Variants in CLDN10 observed in about 807,000 individuals in gnomAD.
CLDN10 encodes the protein claudin-10.
In CLDN10, 15 loss-of-function variants were observed where a neutral mutation model predicts 22.9. The ratio of observed to expected loss-of-function variants is 0.65; its 90% CI spans 0.44 to 1.01. CLDN10 has a LOEUF of 1.01. CLDN10 is among the 50% of genes least tolerant of loss of function. The pLI, the probability that CLDN10 is intolerant of heterozygous loss-of-function variation, is 0.00. For synonymous variants in CLDN10, 114 were observed against 111.4 expected (o/e 1.02, Z -0.15); for missense variants, 247 against 287.8 (o/e 0.86, Z 1.03).
At chr13:95,564,783 A>C (rs888245958) in intron 3 of CLDN10, among the ~76,000 whole-genome samples, 1 of 152,206 alleles carries the variant, frequency 6.6e-6, no homozygotes, top group Non-Finnish European at 1.5e-5. Context: ...GGCTTCTAGC[A>C]TGGACTTGGA....
At chr13:95,463,286 ATATATATAT>A (rs1245330619) in intron 1 of CLDN10, among the ~76,000 whole-genome samples, 523 of 22,318 alleles carry the variant, frequency 0.023, 23 homozygotes, top group South Asian at 0.061. Flanking sequence ...CAAATGCTTA[ATATATATAT>A]ATATATATAT....
chr13:95,555,211 C>T (rs1039064375), intron 1 of CLDN10, among the ~76,000 whole-genome samples: 7 of 152,106 alleles, frequency 4.6e-5, no homozygotes, highest in African/African-American at 9.7e-5. Flanking sequence ...CCACCATGCC[C>T]GGCTAATTTT....
At chr13:95,442,656 G>A (rs747373906) in intron 1 of CLDN10, among the ~76,000 whole-genome samples, 2 of 152,284 alleles carry the variant, frequency 1.3e-5, no homozygotes, top group South Asian at 2.1e-4. Flanking sequence ...TTGGTATGCC[G>A]GGCAGCCAAA....
intron 1 of CLDN10, among the ~76,000 whole-genome samples, chr13:95,535,438 T>G (rs2043389950): frequency 6.8e-6 from 1 of 147,978 alleles, no homozygotes; most frequent in South Asian, 2.2e-4. Context: ...CAAGATTGAG[T>G]GATGAGGAGT....
At chr13:95,447,088 T>C (rs1466729325) in intron 1 of CLDN10, among the ~76,000 whole-genome samples, 1 of 152,156 alleles carries the variant, frequency 6.6e-6, no homozygotes, top group Non-Finnish European at 1.5e-5. Context: ...GCACCAAATA[T>C]AGTCCATGCA....
intron 1 of CLDN10, among the ~76,000 whole-genome samples, chr13:95,435,655 G>A (rs1374784641): frequency 1.3e-5 from 2 of 152,092 alleles, no homozygotes; most frequent in South Asian, 2.1e-4. Flanking sequence ...TAGAAACAGA[G>A]GAAAAGAAGA....
chr13:95,547,941 C>T (rs1425237464), upstream of CLDN10, among the ~76,000 whole-genome samples: 1 of 152,168 alleles, frequency 6.6e-6, no homozygotes, highest in Non-Finnish European at 1.5e-5. Context: ...AACTGCTACT[C>T]TCCTCTCCTT....
At chr13:95,519,916 G>A (rs1157152012) in intron 1 of CLDN10, among the ~76,000 whole-genome samples, 5 of 152,252 alleles carry the variant, frequency 3.3e-5, no homozygotes, top group Non-Finnish European at 5.9e-5. Context: ...AATCACCCAT[G>A]AAAATCAGAT....
At chr13:95,456,792 GA>G (rs1216998476) in intron 1 of CLDN10, among the ~76,000 whole-genome samples, 16 of 152,180 alleles carry the variant, frequency 1.1e-4, no homozygotes, top group African/African-American at 3.9e-4. Flanking sequence ...AAAACAAAAT[GA>G]AAACATTCAT....
At chr13:95,560,544 C>T in intron 3 of CLDN10, 81 bp downstream of exon 3, 9 of 1,135,292 alleles carry the variant, frequency 7.9e-6, no homozygotes, top group Non-Finnish European at 1.2e-5. Flanking sequence ...CATGAATTTC[C>T]TATATGACTT....
At chr13:95,496,159 C>T (rs557228674) in intron 1 of CLDN10, among the ~76,000 whole-genome samples, 1 of 152,324 alleles carries the variant, frequency 6.6e-6, no homozygotes, top group South Asian at 2.1e-4. Context: ...AACTACCAAA[C>T]CCTCGCCTAT....
intron 1 of CLDN10, among the ~76,000 whole-genome samples, chr13:95,478,283 G>A (rs1238855895): frequency 6.6e-6 from 1 of 152,122 alleles, no homozygotes; most frequent in Non-Finnish European, 1.5e-5. Flanking sequence ...ACTCCAGCCT[G>A]GACAACAGAG....
chr13:95,476,063 G>A (rs1264088059), intron 1 of CLDN10, among the ~76,000 whole-genome samples: 1 of 152,188 alleles, frequency 6.6e-6, no homozygotes, highest in Non-Finnish European at 1.5e-5. Context: ...CACTTGTGGT[G>A]ATAGGACATA....
At chr13:95,457,329 A>G (rs1242856015) in intron 1 of CLDN10, among the ~76,000 whole-genome samples, 1 of 152,212 alleles carries the variant, frequency 6.6e-6, no homozygotes, top group Non-Finnish European at 1.5e-5. Flanking sequence ...TCTGCTTCAG[A>G]TCAAACAGCC....
At chr13:95,558,154 C>T (rs965630153) in intron 1 of CLDN10, among the ~76,000 whole-genome samples, 1 of 152,038 alleles carries the variant, frequency 6.6e-6, no homozygotes, top group Non-Finnish European at 1.5e-5. Context: ...ACAAAAAGAG[C>T]GAAACCACAC....
chr13:95,507,183 T>A lies in CLDN10; in HGVS notation c.215-52949T>A, dbSNP rs370630290. Among the ~76,000 whole-genome samples, 78 of 152,358 alleles carry A rather than the reference T, an allele frequency of 5.1e-4. 2 individuals are homozygous for A. In the South Asian group the frequency reaches 0.015, roughly 29 times the overall value. ...CTTTGATCGATTTGTGAATTTTGGCTATTATCCTAATTTCCTACCATCTTC... is the reference window on the plus strand; with the variant it reads ...CTTTGATCGATTTGTGAATTTTGGCAATTATCCTAATTTCCTACCATCTTC... On this transcript the variant is annotated intron_variant, in intron 1 of 4. Coordinates refer to the CLDN10 transcript ENST00000376873.
intron 3 of CLDN10, among the ~76,000 whole-genome samples, chr13:95,569,502 T>A (rs750194530): frequency 7.9e-5 from 12 of 152,092 alleles, no homozygotes; most frequent in Admixed American, 3.3e-4. Flanking sequence ...GAGAATCACT[T>A]GAACCTGGGG....
chr13:95,469,160 A>C (rs2042607098), intron 1 of CLDN10, among the ~76,000 whole-genome samples: 1 of 146,362 alleles, frequency 6.8e-6, no homozygotes, highest in African/African-American at 2.5e-5. Context: ...TTACCCCACT[A>C]GGATTATGTG....
At chr13:95,503,939 C>T (rs1277949592) in intron 1 of CLDN10, among the ~76,000 whole-genome samples, 1 of 152,114 alleles carries the variant, frequency 6.6e-6, no homozygotes, top group Admixed American at 6.5e-5. Flanking sequence ...CTTAACACTA[C>T]TGAACTGTAC....
Sources: gnomAD v4.1 joint callset for allele counts (sites outside exome capture counted in the v4.1 genomes callset) on GRCh38, gnomAD v4.1.1 for gene constraint, MANE v1.5 for transcripts, NCBI Gene and HGNC (gene_info 2026-07-23, HGNC 2026-07-21) for gene names.